KIRREL1: variants seen among roughly 807,000 people sequenced by gnomAD.
The protein encoded by KIRREL1 is kirre like nephrin family adhesion molecule 1.
A neutral mutation model predicts 83.3 loss-of-function variants in KIRREL1; 25 were observed. The ratio of observed to expected loss-of-function variants is 0.30; its 90% CI spans 0.22 to 0.42. KIRREL1 has a LOEUF of 0.42. Ranked by LOEUF, KIRREL1 falls within the 10% of genes least tolerant of loss-of-function variation. The pLI, the probability that KIRREL1 is intolerant of heterozygous loss-of-function variation, is 1.00. For missense variants in KIRREL1, 812 were observed against 1,032.3 expected (o/e 0.79, Z 2.92); for synonymous variants, 388 against 410.4 (o/e 0.95, Z 0.66).
At chr1:158,088,553 C>G (rs997385952) in intron 8 of KIRREL1, 99 bp downstream of exon 8, 2 of 1,037,404 alleles carry the variant, frequency 1.9e-6, no homozygotes, top group Non-Finnish European at 2.6e-6. Flanking sequence ...GGCGCGATCT[C>G]GGCTCACTGC....
chr1:158,080,037 T>A (rs181915196), intron 3 of KIRREL1, among the ~76,000 whole-genome samples: 127 of 152,254 alleles, frequency 8.3e-4, no homozygotes, highest in African/African-American at 2.8e-3. Context: ...AGGAATGAGG[T>A]TAGACAGCAA....
intron 4 of KIRREL1, 87 bp from the exon 5 acceptor site, chr1:158,086,509 C>T (rs7367384): frequency 1.4e-6 from 2 of 1,393,144 alleles, no homozygotes; most frequent in Non-Finnish European, 2.0e-6. Flanking sequence ...CCCCTCCAGC[C>T]CAAGCCCATC....
intron 1 of KIRREL1, among the ~76,000 whole-genome samples, chr1:158,028,190 A>G (rs1464088882): frequency 6.6e-6 from 1 of 152,198 alleles, no homozygotes; most frequent in African/African-American, 2.4e-5. Context: ...ATCTTCTGCC[A>G]AAGCAGCTGC....
chr1:158,066,454 T>G (rs2101612237), intron 1 of KIRREL1, among the ~76,000 whole-genome samples: 1 of 152,354 alleles, frequency 6.6e-6, no homozygotes, highest in South Asian at 2.1e-4. Flanking sequence ...TTATCTCCTT[T>G]GCTCTCTATT....
At chr1:158,044,772 A>G (rs192250776) in intron 1 of KIRREL1, among the ~76,000 whole-genome samples, 2 of 152,256 alleles carry the variant, frequency 1.3e-5, no homozygotes, top group Admixed American at 1.3e-4. Flanking sequence ...CCCTTTTTCC[A>G]AGTGCTGAGG....
At chr1:157,995,682 T>C (rs1265981851) in intron 1 of KIRREL1, among the ~76,000 whole-genome samples, 1 of 152,044 alleles carries the variant, frequency 6.6e-6, no homozygotes, top group Non-Finnish European at 1.5e-5. Flanking sequence ...ACAGAAAGAA[T>C]TGTGTGTTGT....
At chr1:158,077,864 T>A in intron 2 of KIRREL1, 127 bp from the exon 3 acceptor site, 1 of 1,080,168 alleles carries the variant, frequency 9.3e-7, no homozygotes, top group Non-Finnish European at 1.4e-6. Flanking sequence ...GGTGTCTGTG[T>A]CTGGGGCCTC....
intron 11 of KIRREL1, 100 bp from the exon 12 acceptor site, chr1:158,093,239 G>T: frequency 1.1e-6 from 1 of 927,792 alleles, no homozygotes; most frequent in South Asian, 1.4e-5. Flanking sequence ...CACAAGCCAA[G>T]GTTGCCTCTG....
At chr1:158,065,545 T>G (rs1661335227) in intron 1 of KIRREL1, among the ~76,000 whole-genome samples, 1 of 152,058 alleles carries the variant, frequency 6.6e-6, no homozygotes, top group Admixed American at 6.6e-5. Context: ...TTCTAGGAGG[T>G]GAGGTTAGAG....
At position 157,993,646 on chromosome 1, in the gene KIRREL1, G is replaced by A; in HGVS notation, c.-31G>A. The A allele has an allele frequency of 1.4e-6, 2 of 1,465,672 alleles. No individual in the cohort carries two copies. Among genetic ancestry groups the A allele is most frequent in the Non-Finnish European group, 1.8e-6 (2 of 1,104,234 alleles). The allele number at this position is 1,465,672 out of a possible 1,614,324, so 90.8% of individuals were successfully genotyped here. A position where few individuals can be genotyped will look rare whatever the true frequency, so the allele number is the denominator to read the frequency against. ...GCTCGCTCGCCAACTCCGGGCCCCA[G>A]CCGCGGGCGGGCGCACGGCGGGCGG... On this transcript the variant is annotated 5_prime_UTR_variant, in exon 1 of 15. Transcript: ENST00000359209.
intron 5 of KIRREL1, 80 bp downstream of exon 5, chr1:158,086,826 A>T: frequency 3.0e-6 from 4 of 1,314,618 alleles, no homozygotes; most frequent in Non-Finnish European, 3.2e-6. Context: ...TTAGTTTGAG[A>T]AACACAAACT....
chr1:158,048,967 G>A (rs1660844772), intron 1 of KIRREL1, among the ~76,000 whole-genome samples: 1 of 152,206 alleles, frequency 6.6e-6, no homozygotes, highest in Admixed American at 6.5e-5. Context: ...TACAAACTGA[G>A]CTCAGAGAGT....
chr1:158,034,290 A>AAAAAAAAAAAAG (rs1557997272), intron 1 of KIRREL1, among the ~76,000 whole-genome samples: 1 of 151,538 alleles, frequency 6.6e-6, no homozygotes, highest in African/African-American at 2.4e-5. Flanking sequence ...AAAAAAAGAA[A>AAAAAAAAAAAAG]AAAAGAAAAT....
At chr1:158,006,749 G>C (rs1217176664) in intron 1 of KIRREL1, among the ~76,000 whole-genome samples, 1 of 152,194 alleles carries the variant, frequency 6.6e-6, no homozygotes, top group Non-Finnish European at 1.5e-5. Context: ...CTAGCCGATG[G>C]CCTGAGGGAC....
At chr1:158,058,136 A>G (rs1439142738) in intron 1 of KIRREL1, among the ~76,000 whole-genome samples, 7 of 152,290 alleles carry the variant, frequency 4.6e-5, no homozygotes, top group Admixed American at 2.6e-4. Flanking sequence ...GGTCTGGTCC[A>G]GAGTGGAAGC....
chr1:158,029,373 G>GTGTGTGTGCGCA (rs1660261214), intron 1 of KIRREL1, among the ~76,000 whole-genome samples: 3 of 148,426 alleles, frequency 2.0e-5, no homozygotes, highest in Admixed American at 2.0e-4. Flanking sequence ...GTGTGCACGT[G>GTGTGTGTGCGCA]CGCGCGCATG....
chr1:158,042,723 G>A (rs1160829368), intron 1 of KIRREL1, among the ~76,000 whole-genome samples: 1 of 151,964 alleles, frequency 6.6e-6, no homozygotes, highest in East Asian at 1.9e-4. Context: ...CTGTTCTCTG[G>A]CCTGTGCTCT....
chr1:158,086,191 G>A (rs114672691), intron 4 of KIRREL1, among the ~76,000 whole-genome samples: 1 of 152,156 alleles, frequency 6.6e-6, no homozygotes, highest in African/African-American at 2.4e-5. Flanking sequence ...GGGGAGGAGG[G>A]TATATGGAAA....
chr1:158,001,576 G>A (rs1279151927), intron 1 of KIRREL1, among the ~76,000 whole-genome samples: 1 of 152,186 alleles, frequency 6.6e-6, no homozygotes, highest in African/African-American at 2.4e-5. Context: ...GTCCAGAGAA[G>A]GGACTTTGCT....
Sources: gnomAD v4.1 joint callset for allele counts (sites outside exome capture counted in the v4.1 genomes callset) on GRCh38, gnomAD v4.1.1 for gene constraint, MANE v1.5 for transcripts, NCBI Gene and HGNC (gene_info 2026-07-23, HGNC 2026-07-21) for gene names.